The following KRT27 variants were observed in gnomAD, a reference collection of about 807,000 sequenced individuals.
KRT27 encodes keratin 27.
KRT27 carries 30 observed loss-of-function variants against 45.3 expected under a neutral mutation model. The ratio of observed to expected loss-of-function variants is 0.66; its 90% CI spans 0.50 to 0.90. The LOEUF (loss-of-function observed/expected upper bound fraction) is 0.90, where lower values mean the gene tolerates loss of function less well. KRT27 is among the 40% of genes least tolerant of loss of function. The pLI, the probability that KRT27 is intolerant of heterozygous loss-of-function variation, is 0.00. For missense variants in KRT27, 610 were observed against 564.3 expected, an observed-to-expected ratio of 1.08 and a Z score of -0.82; for synonymous variants, 204 against 223.9, an observed-to-expected ratio of 0.91 and a Z score of 0.79.
chr17:40,777,196 A>G, intron 7 of KRT27, 57 bp downstream of exon 7: 1 of 1,610,246 alleles, frequency 6.2e-7, no homozygotes, highest in Non-Finnish European at 8.5e-7. Context: ...AGGAAATAAA[A>G]CATCATTTGA....
At chr17:40,779,255 C>A (rs1261082142) in intron 5 of KRT27, among the ~76,000 whole-genome samples, 5 of 152,152 alleles carry the variant, frequency 3.3e-5, no homozygotes, top group Non-Finnish European at 4.4e-5. Flanking sequence ...GATTCAAAGT[C>A]AAAACGATTT....
Position 40,782,406 on chromosome 17 carries a change from A to C in KRT27, c.88T>G (p.Phe30Val). The part of the protein sequence containing the change: ...SVRLSSGGAG[F>V]GAGNTCGVPG... ...ACACCGCATGTGTTTCCAGCCCCAA[A>C]GCCTGCTCCCCCACTAGAGAGCCTC... Residue 30 changes from phenylalanine to valine, a missense_variant, in exon 1 of 8, where the codon TTT becomes GTT. By Grantham distance (50) the Phe-to-Val change is conservative (BLOSUM62 -1). Coordinates refer to ENST00000301656, the MANE Select transcript of KRT27 (RefSeq NM_181537.4). The C allele has an allele frequency of 6.2e-7, 1 of 1,613,660 alleles. No homozygotes were observed. Among genetic ancestry groups the C allele is most frequent in the Non-Finnish European group, 8.5e-7 (1 of 1,179,810 alleles).
chr17:40,777,793 G>T, intron 5 of KRT27, 61 bp from the exon 6 acceptor site: 2 of 1,481,128 alleles, frequency 1.4e-6, no homozygotes, highest in Non-Finnish European at 1.9e-6. Context: ...ATAAGCCAAA[G>T]CATTTAAGAG....
chr17:40,781,049 C>T lies in KRT27; in HGVS notation c.527+139G>A. 7.6e-6 allele frequency: 4 copies of T among 526,744 alleles called. No individual in the cohort carries two copies. The Middle Eastern group carries it at 1.5e-3, about 200-fold the overall frequency. 32.6% of individuals were successfully genotyped at this position (526,744 alleles called of 1,614,324 possible). On this transcript the variant is annotated intron_variant, in intron 2 of 7. Coordinates refer to ENST00000301656, the MANE Select transcript of KRT27 (RefSeq NM_181537.4). ...TTTGTTGCTCAGCTAGTTACTCATT[C>T]TAACAGGCATTTTGTTTAAAACAAA... is the stretch of plus-strand genomic sequence containing the variant.
chr17:40,779,391 C>A (rs887557319), intron 5 of KRT27, 111 bp downstream of exon 5: 2 of 1,351,806 alleles, frequency 1.5e-6, no homozygotes, highest in African/African-American at 2.9e-5. Context: ...ATGTCAAGCA[C>A]TGTAATTAAT....
In KRT27 at chr17:40,777,545, G is replaced by A. The variant is rs114639968; in HGVS notation, c.1160C>T (p.Thr387Ile). The change falls in exon 6 of 8, where the codon ACC (threonine) becomes ATC (isoleucine). Residue 387 changes from threonine to isoleucine, a missense_variant. By Grantham distance (89) the Thr-to-Ile change is moderately conservative. Transcript: ENST00000301656. ...TTCTCCATCTATCAGGAGGCAGTAGGTCTCAATTTCTTTTTCCAGGTGGAC... is the reference window on the plus strand; with the variant it reads ...TTCTCCATCTATCAGGAGGCAGTAGATCTCAATTTCTTTTTCCAGGTGGAC... ...IKVHLEKEIE[T>I]YCLLIDGEDG... 4.3e-6 allele frequency: 7 copies of A among 1,613,960 alleles called. No individual in the cohort carries two copies. In the East Asian group the frequency reaches 1.3e-4, roughly 31 times the overall value.
chr17:40,777,820 T>G, intron 5 of KRT27, 88 bp from the exon 6 acceptor site: 1 of 1,265,690 alleles, frequency 7.9e-7, no homozygotes, highest in Non-Finnish European at 1.1e-6. Flanking sequence ...AAGAGAATTA[T>G]CCTTACATCA....
chr17:40,781,964 T>C, intron 1 of KRT27, 86 bp downstream of exon 1: 1 of 1,154,100 alleles, frequency 8.7e-7, no homozygotes, highest in Non-Finnish European at 1.2e-6. Context: ...CAAAGCCCTG[T>C]TATTGTGATA....
At chr17:40,778,595 C>G (rs573563196) in intron 5 of KRT27, among the ~76,000 whole-genome samples, 7 of 152,256 alleles carry the variant, frequency 4.6e-5, no homozygotes, top group African/African-American at 1.4e-4. Flanking sequence ...CTGCCCATGC[C>G]CCGGGGTTGT....
chr17:40,777,364 T>C (rs1224020268), intron 6 of KRT27, 62 bp from the exon 7 acceptor site: 3 of 1,562,708 alleles, frequency 1.9e-6, no homozygotes, highest in South Asian at 1.2e-5. Context: ...TGAAAAATAA[T>C]GATTTAAGGT....
Position 40,779,744 on chromosome 17 carries a change from C to A in KRT27, c.802G>T (p.Ala268Ser). Reference sequence around the variant, plus strand: ...TCCGCGTCCCTGCGGTTCTGCTCTGCGAGGGCTTCGTACTCAGCTCGCATA... The same window carrying A: ...TCCGCGTCCCTGCGGTTCTGCTCTGAGAGGGCTTCGTACTCAGCTCGCATA... ...NNMRAEYEAL[A>S]EQNRRDAEAW... The change falls in exon 4 of 8, where the codon GCA (alanine) becomes TCA (serine). Residue 268 changes from alanine (A) to serine (S), a missense_variant. Transcript: ENST00000301656. 1 of 1,614,196 alleles carries A rather than the reference C, an allele frequency of 6.2e-7. No homozygotes were observed. The highest frequency in any genetic ancestry group is 8.5e-7 in the Non-Finnish European group (1 of 1,180,022).
At chr17:40,780,008 C>G (rs548263692) in intron 3 of KRT27, 147 bp from the exon 4 acceptor site, 1 of 1,026,688 alleles carries the variant, frequency 9.7e-7, no homozygotes, top group African/African-American at 1.6e-5. Flanking sequence ...CTCAAGCGAT[C>G]CTCCATTCTG....
intron 3 of KRT27, 31 bp downstream of exon 3, chr17:40,780,269 A>C: frequency 6.4e-7 from 1 of 1,564,402 alleles, no homozygotes; most frequent in Non-Finnish European, 8.7e-7. Flanking sequence ...TAGGGAGGCG[A>C]TTGTGAGAGC....
At position 40,782,213 on chromosome 17, in the gene KRT27, C is replaced by A; in HGVS notation, c.281G>T (p.Arg94Leu). 1.2e-6 allele frequency: 2 copies of A among 1,614,192 alleles called. No individual in the cohort carries two copies. The highest frequency in any genetic ancestry group is 1.1e-5 in the South Asian group (1 of 91,080). ...EKVTMQNLND[R>L]LASYLENVRA... ...AACATTCTCCAGGTAGGAGGCCAAG[C>A]GGTCGTTGAGGTTCTGCATGGTCAC... Residue 94 changes from arginine (R) to leucine (L), a missense_variant, in exon 1 of 8, where the codon CGC becomes CTC. Transcript: ENST00000301656.
intron 2 of KRT27, among the ~76,000 whole-genome samples, chr17:40,780,672 C>G (rs185015293): frequency 9.3e-4 from 141 of 151,256 alleles, no homozygotes; most frequent in African/African-American, 3.2e-3. Flanking sequence ...CACGGTGAAA[C>G]CCCGTCTCTA....
chr17:40,777,568 G>T lies in KRT27; in HGVS notation c.1137C>A (p.Val379=), dbSNP rs1481067581. The T allele has an allele frequency of 6.2e-7, 1 of 1,613,906 alleles. No homozygotes were observed. Among genetic ancestry groups the T allele is most frequent in the Admixed American group, 1.7e-5 (1 of 60,004 alleles). ...AGGTCTCAATTTCTTTTTCCAGGTGGACCTTGATGTCAAGGAGCTGCTCAT... is the reference window on the plus strand; with the variant it reads ...AGGTCTCAATTTCTTTTTCCAGGTGTACCTTGATGTCAAGGAGCTGCTCAT... ...LEYEQLLDIK[V]HLEKEIETYC... is the part of the protein sequence containing the mutation. The change falls in exon 6 of 8, where the codon GTC becomes GTA. Residue 379 remains valine (V), a synonymous_variant. Transcript: ENST00000301656.
Position 40,777,586 on chromosome 17 carries a change from C to T in KRT27, c.1119G>A (p.Gln373=), listed in dbSNP as rs747584158. The T allele has an allele frequency of 2.0e-5, 33 of 1,613,874 alleles. No individual in the cohort carries two copies. The Middle Eastern group carries it at 4.9e-4, about 24-fold the overall frequency. The change falls in exon 6 of 8, where the codon CAG becomes CAA. Residue 373 remains glutamine, a synonymous_variant. Transcript: ENST00000301656. The part of the protein sequence containing the change: ...ETEGQKLEYE[Q]LLDIKVHLEK... ...CCAGGTGGACCTTGATGTCAAGGAG[C>T]TGCTCATACTCGAGCTTCTGGCCCT...
chr17:40,779,766 C>T lies in KRT27; in HGVS notation c.780G>A (p.Met260Ile). The T allele has an allele frequency of 6.2e-7, 1 of 1,614,248 alleles. No homozygotes were observed. Among genetic ancestry groups the T allele is most frequent in the South Asian group, 1.1e-5 (1 of 91,090 alleles). Residue 260 changes from methionine to isoleucine, a missense_variant, in exon 4 of 8, where the codon ATG becomes ATA. Met to Ile is a conservative substitution (Grantham distance 10). Coordinates refer to ENST00000301656, the MANE Select transcript of KRT27 (RefSeq NM_181537.4). ...GVDLTVLLNN[M>I]RAEYEALAEQ... is the part of the protein sequence containing the mutation. ...CTGCGAGGGCTTCGTACTCAGCTCG[C>T]ATATTGTTCAGCAGAACCGTGAGGT...
intron 6 of KRT27, 76 bp from the exon 7 acceptor site, chr17:40,777,378 A>T (rs2038275016): frequency 3.9e-6 from 6 of 1,541,546 alleles, no homozygotes; most frequent in Non-Finnish European, 5.3e-6. Context: ...TTAAGGTGGG[A>T]ATTCACTGCA....
Sources: allele counts gnomAD v4.1 joint callset (sites outside exome capture counted in the v4.1 genomes callset), GRCh38; gene constraint gnomAD v4.1.1; transcripts MANE v1.5; gene names NCBI Gene and HGNC (gene_info 2026-07-23, HGNC 2026-07-21).